The following RAP1GAP variants were observed in gnomAD, a reference collection of about 807,000 sequenced individuals.
RAP1GAP encodes the protein RAP1 GTPase activating protein.
In RAP1GAP, 35 loss-of-function variants were observed where a neutral mutation model predicts 87.2. The observed-to-expected ratio is 0.40, with a 90% CI of 0.31 to 0.53. The LOEUF (loss-of-function observed/expected upper bound fraction) is 0.53, where lower values mean the gene tolerates loss of function less well. Among genes scored for constraint, RAP1GAP ranks in the 20% least tolerant of loss-of-function variants. RAP1GAP has a pLI of 0.48. For missense variants in RAP1GAP, 734 were observed against 898.9 expected, an observed-to-expected ratio of 0.82 and a Z score of 2.35; for synonymous variants, 375 against 363.9, an observed-to-expected ratio of 1.03 and a Z score of -0.35.
intron 2 of RAP1GAP, among the ~76,000 whole-genome samples, chr1:21,636,623 G>A (rs1214262748): frequency 1.3e-5 from 2 of 152,042 alleles, no homozygotes; most frequent in East Asian, 1.9e-4. Context: ...CCTGACCAAC[G>A]TGGAGAAACC....
intron 2 of RAP1GAP, among the ~76,000 whole-genome samples, chr1:21,633,165 A>T (rs1022320193): frequency 1.3e-5 from 2 of 152,164 alleles, no homozygotes; most frequent in Non-Finnish European, 2.9e-5. Context: ...GGGCACCAGA[A>T]GTGTGGTGGG....
chr1:21,663,244 C>A (rs2097214619), intron 1 of RAP1GAP, among the ~76,000 whole-genome samples: 1 of 152,162 alleles, frequency 6.6e-6, no homozygotes, highest in Non-Finnish European at 1.5e-5. Context: ...AACCCTCTAT[C>A]CCTGGCAGAG....
At chr1:21,598,609 G>A (rs1054771438) in intron 21 of RAP1GAP, 107 bp from the exon 22 acceptor site, 43 of 938,168 alleles carry the variant, frequency 4.6e-5, no homozygotes, top group African/African-American at 4.2e-4. Context: ...CCCCCCACCC[G>A]TACCCTCTGC....
intron 3 of RAP1GAP, among the ~76,000 whole-genome samples, chr1:21,625,861 A>T (rs2091787535): frequency 6.6e-6 from 1 of 152,144 alleles, no homozygotes; most frequent in Non-Finnish European, 1.5e-5. Context: ...AACGATAATG[A>T]TAGAGGCTCG....
Position 21,612,014 on chromosome 1 carries a change from A to T in RAP1GAP, c.612+12T>A, listed in dbSNP as rs1396443529. ...CAGGTGGGGAGGGGCGGCAGGGAGG[A>T]GGTGAGCACACCTGCCCAAGCTTCT... is the stretch of plus-strand genomic sequence containing the variant. On this transcript the variant is annotated intron_variant, in intron 11 of 24. Coordinates refer to ENST00000374765, the MANE Select transcript of RAP1GAP (RefSeq NM_002885.4). The T allele has an allele frequency of 6.5e-7, 1 of 1,537,076 alleles. No homozygotes were observed. The highest frequency in any genetic ancestry group is 1.2e-5 in the South Asian group (1 of 84,398).
chr1:21,616,530 A>G lies in RAP1GAP; in HGVS notation c.291+776T>C, dbSNP rs1418291801. The stretch of plus-strand genomic sequence containing the variant: ...AATGGAAGAGCCAAGATTCCCACAC[A>G]TGCCACGAGGCTCCAGAGCCCACGA... On this transcript the variant is annotated intron_variant, in intron 7 of 24. Transcript: ENST00000374765. Among the ~76,000 whole-genome samples, 3 of 152,232 alleles carry G rather than the reference A, an allele frequency of 2.0e-5. No individual in the cohort carries two copies. In the East Asian group the frequency reaches 5.8e-4, roughly 29 times the overall value.
Position 21,609,081 on chromosome 1 carries a change from G to T in RAP1GAP, c.1072-145C>A. The T allele has an allele frequency of 1.4e-6, 1 of 710,202 alleles. No individual in the cohort carries two copies. The highest frequency in any genetic ancestry group is 2.7e-5 in the East Asian group (1 of 37,690). The allele number at this position is 710,202 out of a possible 1,614,324, so 44.0% of individuals were successfully genotyped here. A position where few individuals can be genotyped will look rare whatever the true frequency, so the allele number is the denominator to read the frequency against. Reference sequence around the variant, plus strand: ...GGTCACCCTCTTCACTCCCAAAAGGGTATCTCCCTGGGCTCAGCTCCCCAG... The same window carrying T: ...GGTCACCCTCTTCACTCCCAAAAGGTTATCTCCCTGGGCTCAGCTCCCCAG... On this transcript the variant is annotated intron_variant, in intron 15 of 24. Transcript: ENST00000374765. This position sits in a 1 kb window ranked among gnomAD's most constrained non-coding sequence, Gnocchi z 4.4.
At chr1:21,667,076 C>T (rs757930937) in intron 1 of RAP1GAP, among the ~76,000 whole-genome samples, 20 of 152,170 alleles carry the variant, frequency 1.3e-4, no homozygotes, top group Admixed American at 2.6e-4. Context: ...TGTGTCTGGC[C>T]GTGCTCAGGT....
rs1029193184 is a variant in RAP1GAP at position 21,613,463 on chromosome 1, G to C, written c.474+165C>G. The stretch of plus-strand genomic sequence containing the variant: ...GGGACGGGGGCCTAGGAGAACACGT[G>C]GCAGCCCAAGACACGATGGGAACAA... On this transcript the variant is annotated intron_variant, in intron 9 of 24. Coordinates refer to ENST00000374765, the MANE Select transcript of RAP1GAP (RefSeq NM_002885.4). The surrounding 1 kb of genome is among the most constrained non-coding windows in gnomAD (Gnocchi z 4.7). 2.6e-5 allele frequency among the ~76,000 whole-genome samples: 4 copies of C among 152,190 alleles called. No homozygotes were observed. The highest frequency in any genetic ancestry group is 4.4e-5 in the Non-Finnish European group (3 of 68,020).
At chr1:21,600,620 C>T (rs1273600367) in intron 20 of RAP1GAP, among the ~76,000 whole-genome samples, 1 of 152,296 alleles carries the variant, frequency 6.6e-6, no homozygotes, top group East Asian at 1.9e-4. Context: ...GGCGCAGTGG[C>T]TCACGCCTGT....
At chr1:21,608,168 A>C (rs533487766) in intron 17 of RAP1GAP, 45 bp downstream of exon 17, 1 of 1,604,588 alleles carries the variant, frequency 6.2e-7, no homozygotes, top group Non-Finnish European at 8.5e-7. Context: ...ATTCCGCCCT[A>C]GCCACGTCCC....
chr1:21,645,674 G>A (rs935999142), intron 2 of RAP1GAP, among the ~76,000 whole-genome samples: 1 of 152,104 alleles, frequency 6.6e-6, no homozygotes, highest in African/African-American at 2.4e-5. Context: ...GTATAGTGGC[G>A]GCCATGGGCT....
chr1:21,603,262 T>C lies in RAP1GAP; in HGVS notation c.1429-349A>G. On this transcript the variant is annotated intron_variant, in intron 18 of 24. Transcript: ENST00000374765. The surrounding 1 kb of genome is among the most constrained non-coding windows in gnomAD (Gnocchi z 6.0). ...TGTGGGATCTGCAGCCTAAGGGCAGTGGTCAGAGGGCAGTGTAGCAACCCA... is the reference window on the plus strand; with the variant it reads ...TGTGGGATCTGCAGCCTAAGGGCAGCGGTCAGAGGGCAGTGTAGCAACCCA... 2.5e-6 allele frequency: 1 copy of C among 394,256 alleles called. No individual in the cohort carries two copies. 24.4% of individuals were successfully genotyped at this position (394,256 alleles called of 1,614,324 possible).
chr1:21,598,167 C>T, intron 22 of RAP1GAP, 103 bp from the exon 23 acceptor site: 1 of 818,772 alleles, frequency 1.2e-6, no homozygotes, highest in Non-Finnish European at 1.9e-6. Flanking sequence ...CCAACCCCAC[C>T]CTTAACTTTC....
chr1:21,648,495 T>C (rs1221737979), intron 2 of RAP1GAP, among the ~76,000 whole-genome samples: 2 of 152,174 alleles, frequency 1.3e-5, no homozygotes, highest in Non-Finnish European at 2.9e-5. Flanking sequence ...GGCTTCATTG[T>C]TCTCATCTGT....
rs775601695 is a variant in RAP1GAP at position 21,609,559 on chromosome 1, G to A, written c.1071+16C>T. The A allele has an allele frequency of 6.8e-7, 1 of 1,473,526 alleles. No individual in the cohort carries two copies. The highest frequency in any genetic ancestry group is 2.0e-5 in the Admixed American group (1 of 50,502). 91.3% of individuals were successfully genotyped at this position (1,473,526 alleles called of 1,614,324 possible). A position where few individuals can be genotyped will look rare whatever the true frequency, so the allele number is the denominator to read the frequency against. On this transcript the variant is annotated intron_variant, in intron 15 of 24. Transcript: ENST00000374765. This position sits in a 1 kb window ranked among gnomAD's most constrained non-coding sequence, Gnocchi z 4.4. Reference sequence around the variant, plus strand: ...ATTTGTCCTGCTCTGCCCATGACTGGGGGGGTGCCCCTCACCTTCCTGAAC... The same window carrying A: ...ATTTGTCCTGCTCTGCCCATGACTGAGGGGGTGCCCCTCACCTTCCTGAAC...
rs774473606 is a variant in RAP1GAP at position 21,599,563 on chromosome 1, C to T, written c.1707G>A (p.Ser569=). The change falls in exon 21 of 25, where the codon TCG becomes TCA. Residue 569 remains serine, a synonymous_variant. Transcript: ENST00000374765. ...AEALKDFSRS[S]SSASSFASVV... ...CGCTGGCGAAGCTGCTGGCACTGGA[C>T]GAGGAGCGGGAGAAGTCCTTGAGCG... 4.0e-5 allele frequency: 64 copies of T among 1,609,268 alleles called. No individual in the cohort carries two copies. Among genetic ancestry groups the T allele is most frequent in the Middle Eastern group, 3.3e-4 (2 of 6,060 alleles).
intron 7 of RAP1GAP, among the ~76,000 whole-genome samples, chr1:21,616,957 C>T (rs550683388): frequency 1.4e-4 from 22 of 152,336 alleles, no homozygotes; most frequent in African/African-American, 5.3e-4. Context: ...ATCATTACCA[C>T]CAACCACCAT....
chr1:21,614,089 C>G lies in RAP1GAP; in HGVS notation c.292G>C (p.Glu98Gln). The G allele has an allele frequency of 1.3e-6, 2 of 1,590,598 alleles. No individual in the cohort carries two copies. The highest frequency in any genetic ancestry group is 1.7e-6 in the Non-Finnish European group (2 of 1,161,880). Residue 98 changes from glutamate (E) to glutamine (Q), a missense_variant and splice_region_variant, in exon 8 of 25, where the codon GAG (glutamate) becomes CAG (glutamine). By Grantham distance (29) the Glu-to-Gln change is conservative (BLOSUM62 2). Coordinates refer to ENST00000374765, the MANE Select transcript of RAP1GAP (RefSeq NM_002885.4). ...TCCAGTGAGTAGTAATTGAAATGCT[C>G]CTGCAGTGGGAGGTGGGGGCCAGGG... ...RIYRKHFLGK[E>Q]HFNYYSLDAA... is the part of the protein sequence containing the mutation.
Sources: gnomAD v4.1 joint callset for allele counts (sites outside exome capture counted in the v4.1 genomes callset) on GRCh38, gnomAD v4.1.1 for gene constraint, Gnocchi (gnomAD v3.1) non-coding constraint, MANE v1.5 for transcripts, NCBI Gene and HGNC (gene_info 2026-07-23, HGNC 2026-07-21) for gene names.